Variants in WSCD2 observed in about 807,000 individuals in gnomAD.
WSCD2 encodes the protein sialate:O-sulfotransferase 2.
Under a neutral mutation model 55.7 loss-of-function variants are expected in WSCD2, and 28 were observed. That is an observed-to-expected ratio of 0.50 (90% CI 0.37 to 0.69). The LOEUF (loss-of-function observed/expected upper bound fraction) is 0.69, where lower values mean the gene tolerates loss of function less well. Ranked by LOEUF, WSCD2 falls within the 30% of genes least tolerant of loss-of-function variation. WSCD2 has a pLI of 0.00. For missense variants in WSCD2, 616 were observed against 762.1 expected, an observed-to-expected ratio of 0.81 and a Z score of 2.26; for synonymous variants, 301 against 301.9, an observed-to-expected ratio of 1.00 and a Z score of 0.03.
chr12:108,132,619 A>G (rs1445827383), intron 1 of WSCD2, among the ~76,000 whole-genome samples: 1 of 152,034 alleles, frequency 6.6e-6, no homozygotes, highest in Non-Finnish European at 1.5e-5. Flanking sequence ...GCAGTTGTAT[A>G]TATGTGAGTC....
At chr12:108,233,041 C>T (rs1888941561) in intron 7 of WSCD2, 146 bp downstream of exon 7, 1 of 1,073,056 alleles carries the variant, frequency 9.3e-7, no homozygotes. Context: ...TCACTGCATG[C>T]TTGGTACCCC....
chr12:108,210,005 C>A lies in WSCD2; in HGVS notation c.498-116C>A, dbSNP rs1212960073. 1.2e-5 allele frequency: 17 copies of A among 1,399,256 alleles called. No individual in the cohort carries two copies. In the East Asian group the frequency reaches 4.1e-4, roughly 33 times the overall value. The allele number at this position is 1,399,256 out of a possible 1,614,324, so 86.7% of individuals were successfully genotyped here. ...CCTCCCATCAGCAGTCTCCCCATTT[C>A]CCCTGGGATCTCCTGGTCCCCAGAG... On this transcript the variant is annotated intron_variant, in intron 3 of 8. Transcript: ENST00000547525. This position sits in a 1 kb window ranked among gnomAD's most constrained non-coding sequence, Gnocchi z 4.3.
chr12:108,194,932 T>G (rs1040034888), intron 1 of WSCD2, among the ~76,000 whole-genome samples: 3 of 152,216 alleles, frequency 2.0e-5, no homozygotes, highest in Non-Finnish European at 4.4e-5. Flanking sequence ...CTTTTCAGAC[T>G]TAAGGTAATC....
chr12:108,198,655 A>G (rs2137058398), intron 2 of WSCD2, among the ~76,000 whole-genome samples: 1 of 152,360 alleles, frequency 6.6e-6, no homozygotes, highest in African/African-American at 2.4e-5. Flanking sequence ...TTCATGTATT[A>G]TTTGAATGAA....
intron 7 of WSCD2, among the ~76,000 whole-genome samples, chr12:108,238,590 G>A (rs1889451482): frequency 6.6e-6 from 1 of 152,204 alleles, no homozygotes. Flanking sequence ...ATTTATTGAA[G>A]TGTTACTGTG....
chr12:108,132,090 G>A (rs975272602), intron 1 of WSCD2, among the ~76,000 whole-genome samples: 6 of 152,122 alleles, frequency 3.9e-5, no homozygotes, highest in Non-Finnish European at 8.8e-5. Flanking sequence ...GCACACATGG[G>A]GGAATGATGA....
intron 1 of WSCD2, among the ~76,000 whole-genome samples, chr12:108,133,903 C>T (rs1292319089): frequency 2.0e-5 from 3 of 152,182 alleles, no homozygotes; most frequent in South Asian, 2.1e-4. Context: ...CTGAACATCT[C>T]GACAGCAGTG....
At chr12:108,148,251 C>T (rs543550271) in intron 1 of WSCD2, among the ~76,000 whole-genome samples, 25 of 152,332 alleles carry the variant, frequency 1.6e-4, no homozygotes, top group Non-Finnish European at 2.5e-4. Context: ...AGACATTTGC[C>T]GAACACCCCC....
rs181188351 is a variant in WSCD2 at position 108,143,043 on chromosome 12, G to A, written c.-552+13117G>A. Among the ~76,000 whole-genome samples, 36 of 152,248 alleles carry A rather than the reference G, an allele frequency of 2.4e-4. 1 individual carries two copies. Among genetic ancestry groups the A allele is most frequent in the African/African-American group, 7.5e-4 (31 of 41,544 alleles). On this transcript the variant is annotated intron_variant, in intron 1 of 8. Coordinates refer to ENST00000547525, the MANE Select transcript of WSCD2 (RefSeq NM_014653.4). Reference sequence around the variant, plus strand: ...TACACAGGCTGGTCTCAAACTCCTCGCCTCAAGCGATCCTCCCACCTTGGC... The same window carrying A: ...TACACAGGCTGGTCTCAAACTCCTCACCTCAAGCGATCCTCCCACCTTGGC...
intron 7 of WSCD2, among the ~76,000 whole-genome samples, chr12:108,238,608 T>A (rs1352577207): frequency 6.6e-6 from 1 of 152,238 alleles, no homozygotes; most frequent in Non-Finnish European, 1.5e-5. Flanking sequence ...GTGGGCTTCA[T>A]TGACTTCTCA....
chr12:108,226,900 T>A, intron 5 of WSCD2, 90 bp from the exon 6 acceptor site: 1 of 1,436,640 alleles, frequency 7.0e-7, no homozygotes, highest in Non-Finnish European at 9.3e-7. Context: ...AGACAGTGGT[T>A]GAAATGCAAA....
At chr12:108,233,167 T>C (rs779978579) in intron 7 of WSCD2, 2 of 326,450 alleles carry the variant, frequency 6.1e-6, no homozygotes, top group Non-Finnish European at 1.1e-5. Flanking sequence ...GTACCTTTCC[T>C]CCATTTAGGT....
At chr12:108,244,451 C>T (rs1889952615) in intron 8 of WSCD2, 1 of 699,696 alleles carries the variant, frequency 1.4e-6, no homozygotes, top group African/African-American at 1.7e-5. Context: ...TCAGGAGATA[C>T]AGGAGGACAA....
intron 2 of WSCD2, among the ~76,000 whole-genome samples, chr12:108,198,899 G>A (rs541875868): frequency 2.4e-4 from 36 of 152,296 alleles, no homozygotes; most frequent in African/African-American, 5.3e-4. Context: ...ATCACTTACC[G>A]TAGTTTACAC....
At chr12:108,208,026 T>A (rs7957483) in intron 3 of WSCD2, among the ~76,000 whole-genome samples, 9,962 of 152,114 alleles carry the variant, frequency 0.065, 483 homozygotes, top group African/African-American at 0.14. Flanking sequence ...TGAAAGGAAA[T>A]ACTTCTCAGA....
In WSCD2 at chr12:108,145,372, C is replaced by T. The variant is rs750608240; in HGVS notation, c.-552+15446C>T. On this transcript the variant is annotated intron_variant, in intron 1 of 8. Coordinates refer to ENST00000547525, the MANE Select transcript of WSCD2 (RefSeq NM_014653.4). ...CAGCGTTGTGTGTTGATCTAACCAA[C>T]CTGCAACCCCTCTACCGGACTGTCT... Among the ~76,000 whole-genome samples, 14 of 152,302 alleles carry T rather than the reference C, an allele frequency of 9.2e-5. No homozygotes were observed. In the East Asian group the frequency reaches 1.7e-3, roughly 19 times the overall value.
At chr12:108,244,118 G>C (rs1372191568) in intron 8 of WSCD2, among the ~76,000 whole-genome samples, 3 of 152,168 alleles carry the variant, frequency 2.0e-5, no homozygotes, top group African/African-American at 7.2e-5. Context: ...CAAGAAGATG[G>C]AGGGGAGGCT....
chr12:108,153,611 G>T (rs1177219499), intron 1 of WSCD2, among the ~76,000 whole-genome samples: 1 of 152,204 alleles, frequency 6.6e-6, no homozygotes, highest in East Asian at 1.9e-4. Context: ...GCCTGAAAAG[G>T]CAAAGTGCAG....
At chr12:108,189,887 G>A (rs1045825499) in intron 1 of WSCD2, 9 of 147,002 alleles carry the variant, frequency 6.1e-5, no homozygotes, top group East Asian at 5.8e-4. Context: ...GAGAATTAAT[G>A]AGGGAGAAAT....
Sources: allele counts gnomAD v4.1 joint callset (sites outside exome capture counted in the v4.1 genomes callset), GRCh38; gene constraint gnomAD v4.1.1; non-coding constraint Gnocchi (gnomAD v3.1); transcripts MANE v1.5; gene names NCBI Gene and HGNC (gene_info 2026-07-23, HGNC 2026-07-21).